Variants in ALG8 observed in about 807,000 individuals in gnomAD.
The protein encoded by ALG8 is ALG8 alpha-1,3-glucosyltransferase, also known as dolichyl pyrophosphate Glc1Man9GlcNAc2 alpha-1,3-glucosyltransferase.
A neutral mutation model predicts 70.2 loss-of-function variants in ALG8; 48 were observed. The observed-to-expected ratio is 0.68, with a 90% CI of 0.54 to 0.87. The LOEUF is 0.87. ALG8 is among the 40% of genes least tolerant of loss of function. The probability of loss-of-function intolerance (pLI) is 0.00; values close to 1 mark genes in which losing one functional copy is unlikely to be tolerated. For missense variants in ALG8, 572 were observed against 608.7 expected (o/e 0.94, Z 0.64); for synonymous variants, 234 against 229.0 (o/e 1.02, Z -0.20).
At position 78,105,682 on chromosome 11, in the gene ALG8, T is replaced by C. The variant is rs1590805298; in HGVS notation, c.1178+1125A>G. ...AAAAAAGAAAGGAAAAAAAAGGGAA[T>C]AATACCCATTTATTTTAACTATCTT... On this transcript the variant is annotated intron_variant, in intron 10 of 12. Coordinates refer to ENST00000299626, the MANE Select transcript of ALG8 (RefSeq NM_024079.5). Among the ~76,000 whole-genome samples the C allele has an allele frequency of 3.3e-5, 5 of 149,618 alleles. No homozygotes were observed. The South Asian group carries it at 1.1e-3, about 32-fold the overall frequency.
chr11:78,132,418 T>G (rs1405428329), intron 1 of ALG8, among the ~76,000 whole-genome samples: 1 of 152,202 alleles, frequency 6.6e-6, no homozygotes, highest in Non-Finnish European at 1.5e-5. Context: ...TCCAATCATT[T>G]ATATGGGAGC....
intron 3 of ALG8, 79 bp from the exon 4 acceptor site, chr11:78,121,253 T>C: frequency 1.0e-6 from 1 of 979,978 alleles, no homozygotes; most frequent in Non-Finnish European, 1.6e-6. Flanking sequence ...TAAACTATGA[T>C]ACATTAGTCA....
At chr11:78,127,257 G>A in intron 2 of ALG8, 101 bp downstream of exon 2, 3 of 1,099,350 alleles carry the variant, frequency 2.7e-6, no homozygotes, top group Non-Finnish European at 4.0e-6. Flanking sequence ...GATTACAAGC[G>A]TGAGCCACCG....
intron 2 of ALG8, 78 bp downstream of exon 2, chr11:78,127,280 A>G: frequency 7.3e-7 from 1 of 1,363,684 alleles, no homozygotes; most frequent in Non-Finnish European, 1.0e-6. Flanking sequence ...CCCAGCCAGA[A>G]AACATTTTTA....
chr11:78,101,030 A>G lies in ALG8; in HGVS notation c.1515T>C (p.Tyr505=), dbSNP rs775344428. Residue 505 remains tyrosine, a synonymous_variant, in exon 13 of 13, where the codon TAT becomes TAC. Coordinates refer to ENST00000299626, the MANE Select transcript of ALG8 (RefSeq NM_024079.5). ...CTGAAACATACAGTTTGAACCAAGC[A>G]TATGTGATGCCTACTGCACAATACA... The part of the protein sequence containing the change: ...TSVYCAVGIT[Y]AWFKLYVSVL... The G allele has an allele frequency of 6.2e-7, 1 of 1,614,272 alleles. No individual in the cohort carries two copies. The highest frequency in any genetic ancestry group is 1.1e-5 in the South Asian group (1 of 91,092).
chr11:78,136,729 T>C (rs952314350), intron 1 of ALG8, among the ~76,000 whole-genome samples: 1 of 152,130 alleles, frequency 6.6e-6, no homozygotes, highest in Non-Finnish European at 1.5e-5. Context: ...CAACTAGATG[T>C]CATAGATGGC....
intron 5 of ALG8, 107 bp downstream of exon 5, chr11:78,119,075 A>G (rs1025989924): frequency 1.7e-5 from 14 of 808,084 alleles, no homozygotes; most frequent in Non-Finnish European, 2.5e-5. Context: ...CGCACTTGGC[A>G]GCTCAAAACA....
At chr11:78,125,039 CT>C (rs371256475) in intron 2 of ALG8, among the ~76,000 whole-genome samples, 124 of 145,046 alleles carry the variant, frequency 8.5e-4, no homozygotes, top group African/African-American at 2.0e-3. Context: ...TTTTCTTTTT[CT>C]TTTTTTTTTT....
intron 1 of ALG8, chr11:78,137,571 C>T (rs1018209656): frequency 6.6e-6 from 1 of 152,194 alleles, no homozygotes; most frequent in African/African-American, 2.4e-5. Flanking sequence ...CTTCCTCTCA[C>T]TTGAACACTT....
At chr11:78,127,201 A>G (rs1329115345) in intron 2 of ALG8, among the ~76,000 whole-genome samples, 157 bp downstream of exon 2, 1 of 151,900 alleles carries the variant, frequency 6.6e-6, no homozygotes, top group Non-Finnish European at 1.5e-5. Context: ...CTGGTCTCCA[A>G]CCCCTGACCT....
intron 2 of ALG8, 130 bp downstream of exon 2, chr11:78,127,228 T>C (rs549110719): frequency 2.1e-5 from 16 of 775,410 alleles, no homozygotes; most frequent in Admixed American, 1.6e-4. Flanking sequence ...CTGCCCGCCT[T>C]GGCCTCCCAA....
At chr11:78,121,256 A>G (rs1347540066) in intron 3 of ALG8, 82 bp from the exon 4 acceptor site, 49 of 973,632 alleles carry the variant, frequency 5.0e-5, no homozygotes, top group Non-Finnish European at 7.9e-5. Flanking sequence ...ACTATGATAC[A>G]TTAGTCATTC....
chr11:78,124,831 G>C (rs631500), intron 2 of ALG8, among the ~76,000 whole-genome samples: 33,139 of 152,014 alleles, frequency 0.22, 4,459 homozygotes, highest in African/African-American at 0.38. Flanking sequence ...TTTTGTTTCA[G>C]TAAGTTATAT....
chr11:78,124,510 T>C (rs1386571643), intron 2 of ALG8, among the ~76,000 whole-genome samples: 2 of 152,196 alleles, frequency 1.3e-5, no homozygotes, highest in African/African-American at 2.4e-5. Flanking sequence ...CCTAAATTAA[T>C]AGAACAATTC....
intron 2 of ALG8, 40 bp from the exon 3 acceptor site, chr11:78,124,254 T>G (rs369152644): frequency 1.9e-4 from 294 of 1,587,434 alleles, no homozygotes; most frequent in Non-Finnish European, 2.5e-4. Flanking sequence ...CCTAAATAAC[T>G]GAATAAACAA....
chr11:78,119,094 A>C (rs1860707529), intron 5 of ALG8, 88 bp downstream of exon 5: 1 of 1,021,944 alleles, frequency 9.8e-7, no homozygotes, highest in East Asian at 2.5e-5. Flanking sequence ...CAGTCAAATA[A>C]ATTTACCTAT....
chr11:78,107,741 C>A (rs1465658940), intron 9 of ALG8: 1 of 230,266 alleles, frequency 4.3e-6, no homozygotes, highest in Non-Finnish European at 9.1e-6. Flanking sequence ...ACTCTGGAGG[C>A]TGAGGCAGGA....
At chr11:78,131,884 C>T (rs1305990136) in intron 1 of ALG8, among the ~76,000 whole-genome samples, 1 of 152,234 alleles carries the variant, frequency 6.6e-6, no homozygotes, top group African/African-American at 2.4e-5. Flanking sequence ...TTTCACATTG[C>T]AGCCAAAGTA....
At chr11:78,124,790 A>G (rs1266836910) in intron 2 of ALG8, among the ~76,000 whole-genome samples, 1 of 152,208 alleles carries the variant, frequency 6.6e-6, no homozygotes, top group Non-Finnish European at 1.5e-5. Context: ...TATATTTATA[A>G]ACAACAAAAT....
Sources: gnomAD v4.1 joint callset for allele counts (sites outside exome capture counted in the v4.1 genomes callset) on GRCh38, gnomAD v4.1.1 for gene constraint, MANE v1.5 for transcripts, NCBI Gene and HGNC (gene_info 2026-07-23, HGNC 2026-07-21) for gene names.